The following SMC1A variants were observed in gnomAD, a reference collection of about 807,000 sequenced individuals.
SMC1A encodes structural maintenance of chromosomes 1A.
In SMC1A, 4 loss-of-function variants were observed where a neutral mutation model predicts 94.5. That is an observed-to-expected ratio of 0.04 (90% confidence interval 0.02 to 0.10). The LOEUF (loss-of-function observed/expected upper bound fraction) is 0.10. SMC1A is among the 10% of genes least tolerant of loss of function. SMC1A has a pLI of 1.00. For synonymous variants in SMC1A, 345 were observed against 347.7 expected (o/e 0.99, Z 0.09); for missense variants, 304 against 989.0 (o/e 0.31, Z 9.29).
intron 7 of SMC1A, 111 bp from the exon 8 acceptor site, chrX:53,409,614 G>A: frequency 3.3e-6 from 2 of 606,956 alleles, no homozygotes; most frequent in East Asian, 6.6e-5. Flanking sequence ...GAACAGTCCA[G>A]GACAATCTGT....
chrX:53,419,594 G>A (rs1374702931), intron 1 of SMC1A, among the ~76,000 whole-genome samples: 2 of 108,657 alleles, frequency 1.8e-5, no homozygotes, highest in African/African-American at 3.4e-5. Context: ...GGGAGGCCCA[G>A]GTGGGCAGAT....
At chrX:53,404,941 AC>A in intron 13 of SMC1A, 70 bp downstream of exon 13, 4 of 1,119,530 alleles carry the variant, frequency 3.6e-6, no homozygotes, top group Non-Finnish European at 4.8e-6. Flanking sequence ...CAAGTTCCCC[AC>A]CCCCAGAGAA....
In SMC1A at chrX:53,379,183, A is replaced by G. The variant is rs899753029; in HGVS notation, c.*920T>C. On this transcript the variant is annotated 3_prime_UTR_variant, in exon 25 of 25. Coordinates refer to ENST00000322213, the MANE Select transcript of SMC1A (RefSeq NM_006306.4). ...TGAGGTAGGTAATATTGTTAGCCCC[A>G]TTTTACAGATGAGGAAACTGAGGCA... is the stretch of plus-strand genomic sequence containing the variant. The G allele has an allele frequency of 5.4e-5, 6 of 111,853 alleles. No individual in the cohort carries two copies. The highest frequency in any genetic ancestry group is 2.0e-4 in the African/African-American group (6 of 30,664). 9.2% of individuals were successfully genotyped at this position (111,853 alleles called of 1,213,427 possible). A position where few individuals can be genotyped will look rare whatever the true frequency, so the allele number is the denominator to read the frequency against.
chrX:53,394,731 TCCCACCCAAC>T, intron 19 of SMC1A, 37 bp downstream of exon 19: 2 of 416,234 alleles, frequency 4.8e-6, no homozygotes, highest in Non-Finnish European at 4.4e-6. Context: ...ATAGTCCCAC[TCCCACCCAAC>T]CCCCACCCCC....
At chrX:53,387,120 C>T (rs1229629003) in intron 19 of SMC1A, among the ~76,000 whole-genome samples, 2 of 111,520 alleles carry the variant, frequency 1.8e-5, no homozygotes, top group African/African-American at 3.3e-5. Context: ...CTCAGCCTCC[C>T]GAGTAGCTAG....
chrX:53,396,709 G>A (rs1556888101), intron 16 of SMC1A, 92 bp from the exon 17 acceptor site: 12 of 950,075 alleles, frequency 1.3e-5, no homozygotes, highest in South Asian at 2.0e-5. Flanking sequence ...CTACTAGGCA[G>A]TTTATTGGAG....
intron 3 of SMC1A, 21 bp from the exon 4 acceptor site, chrX:53,413,456 C>T (rs1556890853): frequency 1.7e-6 from 2 of 1,191,401 alleles, no homozygotes; most frequent in East Asian, 3.0e-5. Context: ...TCGAAACACT[C>T]TTCCACTTCA....
intron 19 of SMC1A, among the ~76,000 whole-genome samples, chrX:53,388,275 T>C (rs2075613371): frequency 9.0e-6 from 1 of 111,430 alleles, no homozygotes; most frequent in African/African-American, 3.3e-5. Flanking sequence ...CGGTTGCCAG[T>C]AGCCACATGT....
At chrX:53,395,307 C>T (rs2075646891) in intron 18 of SMC1A, among the ~76,000 whole-genome samples, 1 of 112,193 alleles carries the variant, frequency 8.9e-6, no homozygotes. Context: ...CACGCCACTG[C>T]ACTTCAGCCT....
chrX:53,382,794 G>A (rs1556886079), intron 20 of SMC1A, 134 bp from the exon 21 acceptor site: 1 of 775,026 alleles, frequency 1.3e-6, no homozygotes. Context: ...GTATCCAGTG[G>A]ACTGGCCACT....
chrX:53,400,840 T>C (rs1488954310), intron 15 of SMC1A, among the ~76,000 whole-genome samples: 1 of 111,631 alleles, frequency 9.0e-6, no homozygotes, highest in Non-Finnish European at 1.9e-5. Context: ...TTAGCCACTA[T>C]AATCCAAATG....
chrX:53,415,964 C>T (rs1556891238), intron 1 of SMC1A, among the ~76,000 whole-genome samples: 1 of 110,401 alleles, frequency 9.1e-6, no homozygotes, highest in African/African-American at 3.3e-5. Context: ...CAAAAGCCCA[C>T]AATAGGTGAA....
At chrX:53,413,175 A>C in intron 4 of SMC1A, 37 bp from the exon 5 acceptor site, 1 of 1,211,760 alleles carries the variant, frequency 8.3e-7, no homozygotes, top group Non-Finnish European at 1.1e-6. Flanking sequence ...GGGTGCATCG[A>C]TAAGGCACTG....
chrX:53,396,275 A>G lies in SMC1A; in HGVS notation c.2814T>C (p.Ile938=), dbSNP rs1787186313. Residue 938 remains isoleucine, a synonymous_variant, in exon 18 of 25, where the codon ATT becomes ATC. Coordinates refer to ENST00000322213, the MANE Select transcript of SMC1A (RefSeq NM_006306.4). ...NLLQACKMQD[I]KLPLSKGTMD... ...TGGTGCCTTTTGACAGTGGCAACTT[A>G]ATGTCCTGCATCTTACAGGCCTGTA... 3.3e-6 allele frequency: 4 copies of G among 1,210,860 alleles called. No homozygotes were observed. Among genetic ancestry groups the G allele is most frequent in the Non-Finnish European group, 3.4e-6 (3 of 894,996 alleles).
rs782290445 is a variant in SMC1A, at chrX:53,379,067, G to A, written c.*1036C>T. 4 of 111,910 alleles carry A rather than the reference G, an allele frequency of 3.6e-5. No homozygotes were observed. Among genetic ancestry groups the A allele is most frequent in the Non-Finnish European group, 7.5e-5 (4 of 53,185 alleles). The allele number at this position is 111,910 out of a possible 1,213,427, so 9.2% of individuals were successfully genotyped here. On this transcript the variant is annotated 3_prime_UTR_variant, in exon 25 of 25. Coordinates refer to ENST00000322213, the MANE Select transcript of SMC1A (RefSeq NM_006306.4). ...GGATCAGAAGCTCTCAGGGGTCCAG[G>A]CATGAGGGTTATATTCTGAGGGGTC...
chrX:53,398,794 A>G (rs1292106389), intron 16 of SMC1A, among the ~76,000 whole-genome samples: 1 of 111,548 alleles, frequency 9.0e-6, no homozygotes, highest in Admixed American at 9.6e-5. Context: ...GTAGTTTCCA[A>G]TTTGGAACTA....
chrX:53,380,841 G>C (rs984156242), intron 23 of SMC1A, 111 bp from the exon 24 acceptor site: 28 of 652,614 alleles, frequency 4.3e-5, no homozygotes, highest in South Asian at 9.1e-5. Flanking sequence ...GGAAGGTGGG[G>C]AAAAGAGAGG....
intron 19 of SMC1A, among the ~76,000 whole-genome samples, chrX:53,389,926 G>A (rs1412318800): frequency 2.2e-5 from 2 of 90,353 alleles, no homozygotes; most frequent in African/African-American, 4.2e-5. Flanking sequence ...CTTGGCTCAC[G>A]GCAACCTCTG....
intron 7 of SMC1A, among the ~76,000 whole-genome samples, chrX:53,409,752 T>C (rs1161977995): frequency 9.0e-6 from 1 of 111,534 alleles, no homozygotes; most frequent in Non-Finnish European, 1.9e-5. Flanking sequence ...AGGCATCTTC[T>C]TCACCAACCA....
Sources: gnomAD v4.1 joint callset for allele counts (sites outside exome capture counted in the v4.1 genomes callset) on GRCh38, gnomAD v4.1.1 for gene constraint, MANE v1.5 for transcripts, NCBI Gene and HGNC (gene_info 2026-07-23, HGNC 2026-07-21) for gene names.